ITCH: variants seen among roughly 807,000 people sequenced by gnomAD.
ITCH encodes E3 ubiquitin-protein ligase Itchy homolog.
Under a neutral mutation model 126.8 loss-of-function variants are expected in ITCH, and 28 were observed. The ratio of observed to expected loss-of-function variants is 0.22; its 90% CI spans 0.16 to 0.30. The LOEUF (loss-of-function observed/expected upper bound fraction) is 0.30, where lower values mean the gene tolerates loss of function less well. ITCH is among the 10% of genes least tolerant of loss of function. ITCH has a pLI of 1.00. For synonymous variants in ITCH, 342 were observed against 340.0 expected, an observed-to-expected ratio of 1.01 and a Z score of -0.06; for missense variants, 631 against 1,032.4, an observed-to-expected ratio of 0.61 and a Z score of 5.33.
chr20:34,380,213 A>G (rs560102448), intron 2 of ITCH, among the ~76,000 whole-genome samples: 1 of 152,186 alleles, frequency 6.6e-6, no homozygotes, highest in South Asian at 2.1e-4. Flanking sequence ...ACTTAGCATA[A>G]TGTCTTCAGG....
At chr20:34,423,660 A>G (rs561932895) in intron 6 of ITCH, among the ~76,000 whole-genome samples, 2 of 151,984 alleles carry the variant, frequency 1.3e-5, no homozygotes, top group Non-Finnish European at 2.9e-5. Flanking sequence ...CTGGAGTGCA[A>G]TGGCGCGATC....
At chr20:34,364,598 C>T (rs1482845183) in intron 1 of ITCH, among the ~76,000 whole-genome samples, 3 of 151,562 alleles carry the variant, frequency 2.0e-5, no homozygotes, top group Non-Finnish European at 4.4e-5. Context: ...AGAAATGGGC[C>T]GGGTGCTGTG....
chr20:34,408,337 G>A (rs1227132801), intron 3 of ITCH, among the ~76,000 whole-genome samples: 2 of 152,124 alleles, frequency 1.3e-5, no homozygotes, highest in Non-Finnish European at 2.9e-5. Context: ...GCCTCCCAAA[G>A]TTCTGGGATT....
intron 12 of ITCH, among the ~76,000 whole-genome samples, chr20:34,451,928 G>T (rs1253798717): frequency 6.6e-6 from 1 of 151,904 alleles, no homozygotes; most frequent in East Asian, 1.9e-4. Flanking sequence ...AAATAATCTG[G>T]GTGTGGTGGA....
At chr20:34,401,412 C>T (rs140777751) in intron 3 of ITCH, among the ~76,000 whole-genome samples, 3 of 152,104 alleles carry the variant, frequency 2.0e-5, no homozygotes, top group Non-Finnish European at 4.4e-5. Context: ...CCAAAAAAAT[C>T]AGCAAATGGC....
intron 16 of ITCH, chr20:34,476,191 T>G: frequency 1.2e-6 from 1 of 802,996 alleles, no homozygotes; most frequent in Non-Finnish European, 2.3e-6. Context: ...TGGATTATTT[T>G]CAACCACAAC....
chr20:34,380,230 G>A (rs1045389066), intron 2 of ITCH, among the ~76,000 whole-genome samples: 2 of 152,066 alleles, frequency 1.3e-5, no homozygotes, highest in Admixed American at 1.3e-4. Flanking sequence ...CAGGTTTCAT[G>A]TTGTACCATA....
chr20:34,453,380 G>T (rs551281202), intron 12 of ITCH, among the ~76,000 whole-genome samples: 1 of 152,310 alleles, frequency 6.6e-6, no homozygotes, highest in African/African-American at 2.4e-5. Context: ...GGGAGGCCAA[G>T]GCTTGTGTCC....
intron 2 of ITCH, among the ~76,000 whole-genome samples, chr20:34,391,268 C>T (rs1344220837): frequency 6.6e-6 from 1 of 152,304 alleles, no homozygotes; most frequent in East Asian, 1.9e-4. Flanking sequence ...TGACCACGTA[C>T]TTGAGTACAC....
chr20:34,495,883 T>C (rs1482232102), intron 23 of ITCH, among the ~76,000 whole-genome samples: 1 of 141,808 alleles, frequency 7.1e-6, no homozygotes, highest in Non-Finnish European at 1.5e-5. Context: ...GAGATCAGCC[T>C]GGTCAACATA....
At chr20:34,467,208 A>G (rs1044381488) in intron 14 of ITCH, among the ~76,000 whole-genome samples, 1 of 152,254 alleles carries the variant, frequency 6.6e-6, no homozygotes, top group African/African-American at 2.4e-5. Flanking sequence ...AAATATCCCT[A>G]TAGCTGATAA....
rs547543968 is a variant in ITCH at position 34,493,881 on chromosome 20, A to T, written c.2416+1284A>T. Reference sequence around the variant, plus strand: ...GTGGTCTTAGGCAGAAATAGAATACAGAGAGGAGTAGAAGGCTAATGCCTA... The same window carrying T: ...GTGGTCTTAGGCAGAAATAGAATACTGAGAGGAGTAGAAGGCTAATGCCTA... On this transcript the variant is annotated intron_variant, in intron 23 of 24. Coordinates refer to ENST00000374864, the MANE Select transcript of ITCH (RefSeq NM_031483.7). Among the ~76,000 whole-genome samples the T allele has an allele frequency of 8.5e-5, 13 of 152,326 alleles. No homozygotes were observed. In the East Asian group the frequency reaches 2.3e-3, roughly 27 times the overall value.
chr20:34,418,817 A>C (rs1980345923), intron 6 of ITCH, among the ~76,000 whole-genome samples: 1 of 134,592 alleles, frequency 7.4e-6, no homozygotes, highest in Non-Finnish European at 1.5e-5. Flanking sequence ...ACTGGAGTGC[A>C]ATGGCGCGAT....
intron 2 of ITCH, among the ~76,000 whole-genome samples, chr20:34,373,488 C>T (rs2037719022): frequency 6.6e-6 from 1 of 152,084 alleles, no homozygotes; most frequent in South Asian, 2.1e-4. Flanking sequence ...ATTGGCCAGG[C>T]TGGTCTCAAA....
At chr20:34,401,756 A>C in intron 3 of ITCH, 10 of 439,572 alleles carry the variant, frequency 2.3e-5, no homozygotes, top group Non-Finnish European at 2.7e-5. Flanking sequence ...CCCCCTAAAA[A>C]AGAGGAGGGG....
At chr20:34,494,557 T>C (rs1002256539) in intron 23 of ITCH, among the ~76,000 whole-genome samples, 4 of 152,348 alleles carry the variant, frequency 2.6e-5, no homozygotes, top group Admixed American at 6.5e-5. Flanking sequence ...TTTTGATACA[T>C]GTATACAATA....
intron 23 of ITCH, among the ~76,000 whole-genome samples, chr20:34,494,012 T>G (rs1251571230): frequency 6.6e-6 from 1 of 152,164 alleles, no homozygotes; most frequent in Non-Finnish European, 1.5e-5. Flanking sequence ...GTGGATCGCT[T>G]GAGCTCAGGA....
intron 6 of ITCH, among the ~76,000 whole-genome samples, chr20:34,419,284 T>G (rs1158808920): frequency 6.6e-6 from 1 of 152,178 alleles, no homozygotes; most frequent in East Asian, 1.9e-4. Context: ...TCACACAGCT[T>G]AAGAATTAGA....
At position 34,440,181 on chromosome 20, in the gene ITCH, A is replaced by G. The variant is rs532039837; in HGVS notation, c.706A>G (p.Thr236Ala). The change falls in exon 9 of 25, where the codon ACT becomes GCT. Residue 236 changes from threonine (T) to alanine (A), a missense_variant. Around this residue, in one of 4 missense-constraint regions of ITCH, gnomAD observed 220 missense variants for 265.7 expected, o/e 0.83. Transcript: ENST00000374864. ...ATCTGTCAATGGTTCACCATCTGCC[A>G]CTTCTGAAAGTGATGGGTCTAGTAC... ...PASVNGSPSA[T>A]SESDGSSTGS... 1 of 1,613,574 alleles carries G rather than the reference A, an allele frequency of 6.2e-7. No homozygotes were observed. Among genetic ancestry groups the G allele is most frequent in the East Asian group, 2.2e-5 (1 of 44,878 alleles).
Sources: allele counts gnomAD v4.1 joint callset (sites outside exome capture counted in the v4.1 genomes callset), GRCh38; gene constraint gnomAD v4.1.1; regional missense constraint gnomAD v4.1.1; transcripts MANE v1.5; gene names NCBI Gene and HGNC (gene_info 2026-07-23, HGNC 2026-07-21).